The following G3BP1 variants were observed in gnomAD, a reference collection of about 807,000 sequenced individuals.
G3BP1 encodes the protein ras GTPase-activating protein-binding protein 1.
A neutral mutation model predicts 58.6 loss-of-function variants in G3BP1; 35 were observed. That is an observed-to-expected ratio of 0.60 (90% CI 0.46 to 0.79). The LOEUF is 0.79. G3BP1 is among the 30% of genes least tolerant of loss of function. The pLI, the probability that G3BP1 is intolerant of heterozygous loss-of-function variation, is 0.00. For missense variants in G3BP1, 523 were observed against 580.8 expected, an observed-to-expected ratio of 0.90 and a Z score of 1.02; for synonymous variants, 191 against 195.4, an observed-to-expected ratio of 0.98 and a Z score of 0.19.
intron 7 of G3BP1, among the ~76,000 whole-genome samples, chr5:151,798,900 G>A (rs1359133715): frequency 1.3e-5 from 2 of 152,084 alleles, no homozygotes; most frequent in African/African-American, 4.8e-5. Flanking sequence ...GATGTAGGCT[G>A]CAATGAGCTG....
intron 4 of G3BP1, chr5:151,792,283 A>G (rs1435853467): frequency 1.7e-5 from 4 of 240,592 alleles, no homozygotes; most frequent in Non-Finnish European, 2.5e-5. Context: ...TTTCTCTAGC[A>G]TTAATCTTAA....
Position 151,799,199 on chromosome 5 carries a change from A to G in G3BP1, c.742-13A>G. 1 of 1,322,426 alleles carries G rather than the reference A, an allele frequency of 7.6e-7. No homozygotes were observed. The highest frequency in any genetic ancestry group is 1.1e-6 in the Non-Finnish European group (1 of 913,386). 81.9% of individuals were successfully genotyped at this position (1,322,426 alleles called of 1,614,324 possible). A position where few individuals can be genotyped will look rare whatever the true frequency, so the allele number is the denominator to read the frequency against. Reference sequence around the variant, plus strand: ...CCTGGTATAATTATGTAATGTTGGTATTGCTCCCTTAGACATTTTCTTGGG... The same window carrying G: ...CCTGGTATAATTATGTAATGTTGGTGTTGCTCCCTTAGACATTTTCTTGGG... On this transcript the variant is annotated splice_polypyrimidine_tract_variant and intron_variant, in intron 7 of 11. Coordinates refer to ENST00000356245, the MANE Select transcript of G3BP1 (RefSeq NM_005754.3).
chr5:151,790,024 T>G (rs1762622352), intron 2 of G3BP1, among the ~76,000 whole-genome samples: 1 of 149,084 alleles, frequency 6.7e-6, no homozygotes, highest in Non-Finnish European at 1.5e-5. Context: ...ATAAAAATAA[T>G]CAGCCAGGCA....
intron 2 of G3BP1, chr5:151,787,740 A>G (rs980615589): frequency 7.2e-6 from 2 of 277,614 alleles, no homozygotes; most frequent in South Asian, 3.1e-5. Flanking sequence ...GACCAGAACT[A>G]TTTTTTCCCT....
rs1428548421 is a variant in G3BP1 at position 151,808,641 on chromosome 5, G to A, written c.*4550G>A. On this transcript the variant is annotated 3_prime_UTR_variant, in exon 12 of 12. Transcript: ENST00000356245. ...TGGCCAATTACAGAAATTCCTAAGT[G>A]TAGTATTTTGAAATGTGGCCAGTGT... 2 of 152,146 alleles carry A rather than the reference G, an allele frequency of 1.3e-5. No homozygotes were observed. The highest frequency in any genetic ancestry group is 2.9e-5 in the Non-Finnish European group (2 of 68,028). The allele number at this position is 152,146 out of a possible 1,614,324, so 9.4% of individuals were successfully genotyped here. A position where few individuals can be genotyped will look rare whatever the true frequency, so the allele number is the denominator to read the frequency against.
chr5:151,776,904 T>TC, intron 1 of G3BP1, among the ~76,000 whole-genome samples: 1 of 151,778 alleles, frequency 6.6e-6, no homozygotes, highest in Admixed American at 6.6e-5. Flanking sequence ...CAGCTTTTTT[T>TC]TTTTTTTTTG....
intron 10 of G3BP1, 111 bp from the exon 11 acceptor site, chr5:151,800,649 T>G: frequency 1.4e-6 from 1 of 720,884 alleles, no homozygotes; most frequent in South Asian, 1.7e-5. Context: ...TATTTATAAT[T>G]CAAGTGCTCA....
At chr5:151,799,776 TTG>T in intron 8 of G3BP1, 111 bp from the exon 9 acceptor site, 1 of 651,532 alleles carries the variant, frequency 1.5e-6, no homozygotes, top group Non-Finnish European at 2.7e-6. Context: ...ATGATTTTTC[TTG>T]TGAGGGAATT....
In G3BP1 at chr5:151,799,275, G is replaced by A; in HGVS notation, c.805G>A (p.Gly269Arg). The stretch of plus-strand genomic sequence containing the variant: ...ACCCAGTGGAGCTGTTCCAGTTACT[G>A]GGATACCACCTCATGTTGTTAAAGT... ...LPPSGAVPVT[G>R]IPPHVVKVPA... The change falls in exon 8 of 12, where the codon GGG becomes AGG. Residue 269 changes from glycine to arginine, a missense_variant. Gly to Arg is a moderately radical substitution (Grantham distance 125). This residue lies in a region of G3BP1 where 398 missense variants were observed against 399.1 expected (regional missense o/e 1.00). Coordinates refer to ENST00000356245, the MANE Select transcript of G3BP1 (RefSeq NM_005754.3). 1 of 1,600,944 alleles carries A rather than the reference G, an allele frequency of 6.2e-7. No individual in the cohort carries two copies.
At chr5:151,803,713 C>T (rs1283739876) in intron 11 of G3BP1, among the ~76,000 whole-genome samples, 172 bp from the exon 12 acceptor site, 4 of 152,094 alleles carry the variant, frequency 2.6e-5, no homozygotes, top group Admixed American at 1.3e-4. Flanking sequence ...TCAGGCTGGT[C>T]TTGAACTCCT....
intron 2 of G3BP1, chr5:151,787,017 AT>A (rs1184904343): frequency 0.028 from 3,306 of 116,454 alleles, 66 homozygotes; most frequent in African/African-American, 0.064. Context: ...TAATTTTTGT[AT>A]TTTTTTTTTT....
intron 1 of G3BP1, chr5:151,772,445 A>C (rs759741242): frequency 6.6e-5 from 10 of 152,262 alleles, no homozygotes; most frequent in Admixed American, 6.5e-4. Context: ...TTCGGACCAG[A>C]AGGAGGCTTT....
chr5:151,778,325 A>AATTTG (rs1479499499), intron 1 of G3BP1, among the ~76,000 whole-genome samples: 14 of 152,078 alleles, frequency 9.2e-5, no homozygotes, highest in South Asian at 2.1e-4. Flanking sequence ...CACAGGTTTT[A>AATTTG]ATTTGCATTT....
chr5:151,802,367 A>G (rs971093349), intron 11 of G3BP1, among the ~76,000 whole-genome samples: 1 of 152,222 alleles, frequency 6.6e-6, no homozygotes, highest in Non-Finnish European at 1.5e-5. Context: ...CATGGTATTG[A>G]TAGAAGTCTA....
chr5:151,793,077 G>A (rs1762688154), intron 4 of G3BP1, among the ~76,000 whole-genome samples: 3 of 151,874 alleles, frequency 2.0e-5, no homozygotes, highest in Admixed American at 1.3e-4. Context: ...GACAGACTTG[G>A]GGAATTTTAA....
rs143691130 is a variant in G3BP1, at chr5:151,800,708, T to C, written c.1085-52T>C. 1.8e-5 allele frequency: 19 copies of C among 1,061,016 alleles called. No homozygotes were observed. The African/African-American group carries it at 2.9e-4, about 16-fold the overall frequency. The allele number at this position is 1,061,016 out of a possible 1,614,324, so 65.7% of individuals were successfully genotyped here. A position where few individuals can be genotyped will look rare whatever the true frequency, so the allele number is the denominator to read the frequency against. ...ACTGTATTGGACTGTGTACATGTAA[T>C]GTTTAAAGATAATGGTCTAAGTAGT... is the stretch of plus-strand genomic sequence containing the variant. On this transcript the variant is annotated intron_variant, in intron 10 of 11. Transcript: ENST00000356245.
chr5:151,778,603 G>A (rs1013643278), intron 1 of G3BP1, among the ~76,000 whole-genome samples: 13 of 151,782 alleles, frequency 8.6e-5, no homozygotes, highest in African/African-American at 2.4e-4. Flanking sequence ...CACCACACCC[G>A]GCTAATTTTT....
chr5:151,789,726 A>G (rs1762614872), intron 2 of G3BP1, among the ~76,000 whole-genome samples: 1 of 152,232 alleles, frequency 6.6e-6, no homozygotes, highest in Non-Finnish European at 1.5e-5. Context: ...GAACTTATGT[A>G]TTGGTGGCCA....
chr5:151,812,623 C>T lies in G3BP1; in HGVS notation c.*8532C>T, dbSNP rs944638519. 4.9e-4 allele frequency: 74 copies of T among 152,210 alleles called. No individual in the cohort carries two copies. The highest frequency in any genetic ancestry group is 8.5e-4 in the Admixed American group (13 of 15,282). 9.4% of individuals were successfully genotyped at this position (152,210 alleles called of 1,614,324 possible). On this transcript the variant is annotated 3_prime_UTR_variant, in exon 12 of 12. Coordinates refer to ENST00000356245, the MANE Select transcript of G3BP1 (RefSeq NM_005754.3). ...GGACTCTGAGATTGCACACTCTTGC[C>T]CTGTTGGCAGAAACTAGCCCATCTT...
Sources: allele counts gnomAD v4.1 joint callset (sites outside exome capture counted in the v4.1 genomes callset), GRCh38; gene constraint gnomAD v4.1.1; regional missense constraint gnomAD v4.1.1; transcripts MANE v1.5; gene names NCBI Gene and HGNC (gene_info 2026-07-23, HGNC 2026-07-21).